The following MED25 variants were observed in gnomAD, a reference collection of about 807,000 sequenced individuals.
The protein encoded by MED25 is mediator complex subunit 25, also known as mediator of RNA polymerase II transcription subunit 25.
In MED25, 62 loss-of-function variants were observed where a neutral mutation model predicts 89.4. The ratio of observed to expected loss-of-function variants is 0.69; its 90% confidence interval spans 0.57 to 0.86. The LOEUF (loss-of-function observed/expected upper bound fraction) is 0.86. MED25 is among the 40% of genes least tolerant of loss of function. The pLI is 0.00. For missense variants in MED25, 905 were observed against 1,005.2 expected, an observed-to-expected ratio of 0.90 and a Z score of 1.35; for synonymous variants, 449 against 427.9, an observed-to-expected ratio of 1.05 and a Z score of -0.61.
chr19:49,821,108 C>G (rs1044558381), intron 3 of MED25, among the ~76,000 whole-genome samples: 1 of 152,126 alleles, frequency 6.6e-6, no homozygotes, highest in Admixed American at 6.5e-5. Flanking sequence ...GTCAGGAGGT[C>G]GGCAGGATTG....
At chr19:49,823,071 C>T in intron 3 of MED25, among the ~76,000 whole-genome samples, 1 of 152,216 alleles carries the variant, frequency 6.6e-6, no homozygotes, top group East Asian at 1.9e-4. Flanking sequence ...ACCTCAGCCT[C>T]CTGAGTACCT....
chr19:49,839,436 C>G (rs529521490), downstream of MED25: 1 of 152,780 alleles, frequency 6.5e-6, no homozygotes, highest in Non-Finnish European at 1.5e-5. Flanking sequence ...TCGACACTTC[C>G]GCTCCTGGAC....
chr19:49,836,602 C>T lies in MED25; in HGVS notation c.2146+196C>T, dbSNP rs973468110. On this transcript the variant is annotated intron_variant, in intron 17 of 17. Transcript: ENST00000312865. The surrounding 1 kb of genome is among the most constrained non-coding windows in gnomAD (Gnocchi z 5.1). ...GTCCAAGGACCTAGTGGGTTAAGAGCGTTTCCCATGATCCTCCTGTGTGTG... is the reference window on the plus strand; with the variant it reads ...GTCCAAGGACCTAGTGGGTTAAGAGTGTTTCCCATGATCCTCCTGTGTGTG... 6.0e-5 allele frequency: 46 copies of T among 766,072 alleles called. No homozygotes were observed. Among genetic ancestry groups the T allele is most frequent in the Non-Finnish European group, 8.7e-5 (38 of 435,652 alleles). 47.5% of individuals were successfully genotyped at this position (766,072 alleles called of 1,614,324 possible).
At position 49,836,304 on chromosome 19, in the gene MED25, C is replaced by G. The variant is rs1410257158; in HGVS notation, c.2044C>G (p.Pro682Ala). 6.2e-7 allele frequency: 1 copy of G among 1,611,700 alleles called. No homozygotes were observed. The highest frequency in any genetic ancestry group is 1.1e-5 in the South Asian group (1 of 90,920). Residue 682 changes from proline to alanine, a missense_variant, in exon 17 of 18, where the codon CCG becomes GCG. Physicochemically the swap from Pro to Ala is conservative, Grantham distance 27. This residue lies in a region of MED25 where 271 missense variants were observed against 258.1 expected (regional missense o/e 1.05). Coordinates refer to ENST00000312865, the MANE Select transcript of MED25 (RefSeq NM_030973.4). This position sits in a 1 kb window ranked among gnomAD's most constrained non-coding sequence, Gnocchi z 5.1. ...AGGGGCTCCTGCGCTGCTGCCTCCG[C>G]CGCACCAGGGCCTGGGGCAGCCCCA... ...PPGAPALLPPPHQGLGQPQLG... is the reference protein window; with the variant it reads ...PPGAPALLPPAHQGLGQPQLG...
Position 49,829,830 on chromosome 19 carries a change from G to A in MED25, c.570G>A (p.Ala190=), listed in dbSNP as rs759800230. The A allele has an allele frequency of 3.7e-6, 6 of 1,608,950 alleles. No individual in the cohort carries two copies. The highest frequency in any genetic ancestry group is 2.2e-5 in the East Asian group (1 of 44,664). ...FSIVSPRKLP[A]LRLLFEKAAP... ...TTGTGTCTCCCCGGAAGCTGCCTGC[G>A]CTTCGGCTTCTGTTTGAGAAGGCAG... The change falls in exon 6 of 18, where the codon GCG becomes GCA. Residue 190 remains alanine, a synonymous_variant. Transcript: ENST00000312865. This position sits in a 1 kb window ranked among gnomAD's most constrained non-coding sequence, Gnocchi z 4.6.
In MED25 at chr19:49,829,460, G is replaced by A. The variant is rs557452107; in HGVS notation, c.526-326G>A. Among the ~76,000 whole-genome samples, 20 of 152,228 alleles carry A rather than the reference G, an allele frequency of 1.3e-4. No individual in the cohort carries two copies. Among genetic ancestry groups the A allele is most frequent in the African/African-American group, 4.6e-4 (19 of 41,534 alleles). ...CGCCCAGCTGATTTTTGTATCTTTA[G>A]TAGAGATGAGGTTTCACCATGTTGG... On this transcript the variant is annotated intron_variant, in intron 5 of 17. Coordinates refer to ENST00000312865, the MANE Select transcript of MED25 (RefSeq NM_030973.4). The surrounding 1 kb of genome is among the most constrained non-coding windows in gnomAD (Gnocchi z 4.6).
At chr19:49,832,218 C>T (rs1202417534) in intron 12 of MED25, 61 bp downstream of exon 12, 1 of 1,580,748 alleles carries the variant, frequency 6.3e-7, no homozygotes, top group African/African-American at 1.3e-5. Flanking sequence ...TGTCTCTTTC[C>T]TGTTCCCTGC....
Position 49,835,184 on chromosome 19 carries a change from G to T in MED25, c.1674+7G>T. The T allele has an allele frequency of 6.2e-7, 1 of 1,613,878 alleles. No homozygotes were observed. The highest frequency in any genetic ancestry group is 8.5e-7 in the Non-Finnish European group (1 of 1,179,976). ...GGAGCAGCAGCAGCGAGGAGTGAGT[G>T]TTGACAGTCCCCAAACCAGCACTCC... On this transcript the variant is annotated splice_region_variant and intron_variant, in intron 14 of 17. Transcript: ENST00000312865. The surrounding 1 kb of genome is among the most constrained non-coding windows in gnomAD (Gnocchi z 6.2).
downstream of MED25, chr19:49,839,359 G>A (rs1439730414): frequency 6.2e-6 from 1 of 160,854 alleles, no homozygotes; most frequent in East Asian, 1.8e-4. Context: ...ACGGAAGTTG[G>A]GTCGTTGCAT....
rs1365144055 is a variant in MED25, at chr19:49,828,553, T to C, written c.404+6T>C. On this transcript the variant is annotated splice_donor_region_variant and intron_variant, in intron 4 of 17. Transcript: ENST00000312865. ...AAGAAGATGCGCGAGCAGATGTGAG[T>C]GCCCCCTCCACCCAGGCCGGGCCGG... 3 of 1,609,214 alleles carry C rather than the reference T, an allele frequency of 1.9e-6. No homozygotes were observed. The highest frequency in any genetic ancestry group is 1.1e-5 in the South Asian group (1 of 90,986).
intron 3 of MED25, among the ~76,000 whole-genome samples, chr19:49,827,568 G>T (rs2074024032): frequency 6.6e-6 from 1 of 152,118 alleles, no homozygotes; most frequent in African/African-American, 2.4e-5. Flanking sequence ...GTGTGTCCGT[G>T]TCCACGTTTC....
rs1042317689 is a variant in MED25 at position 49,835,393 on chromosome 19, C to T, written c.1675-141C>T. The T allele has an allele frequency of 5.8e-5, 57 of 979,422 alleles. No homozygotes were observed. The highest frequency in any genetic ancestry group is 7.7e-5 in the Non-Finnish European group (50 of 652,638). 60.7% of individuals were successfully genotyped at this position (979,422 alleles called of 1,614,324 possible). A position where few individuals can be genotyped will look rare whatever the true frequency, so the allele number is the denominator to read the frequency against. On this transcript the variant is annotated intron_variant, in intron 14 of 17. Transcript: ENST00000312865. The surrounding 1 kb of genome is among the most constrained non-coding windows in gnomAD (Gnocchi z 6.2). ...TTCCTCCTGGAGACCTTGGAGTGTA[C>T]GGCATCCCTCCCAGACCACTCACCC...
rs146394875 is a variant in MED25 at position 49,823,461 on chromosome 19, C to T, written c.305+4165C>T. Among the ~76,000 whole-genome samples, 8 of 152,198 alleles carry T rather than the reference C, an allele frequency of 5.3e-5. No homozygotes were observed. In the East Asian group the frequency reaches 7.7e-4, roughly 15 times the overall value. On this transcript the variant is annotated intron_variant, in intron 3 of 17. Coordinates refer to ENST00000312865, the MANE Select transcript of MED25 (RefSeq NM_030973.4). Reference sequence around the variant, plus strand: ...ACAGTGCCTGGCATGTATTAAGTGCCGTGTAAGTGTTTCCTAGGATTTTGT... The same window carrying T: ...ACAGTGCCTGGCATGTATTAAGTGCTGTGTAAGTGTTTCCTAGGATTTTGT...
chr19:49,821,540 G>T (rs1449325098), intron 3 of MED25, among the ~76,000 whole-genome samples: 1 of 152,152 alleles, frequency 6.6e-6, no homozygotes, highest in Admixed American at 6.5e-5. Context: ...GCTGGGGCAG[G>T]TGGATCACCT....
chr19:49,839,742 C>CT (rs1374179646), downstream of MED25: 2 of 152,302 alleles, frequency 1.3e-5, no homozygotes, highest in East Asian at 3.9e-4. Flanking sequence ...AACCTTTACT[C>CT]TTTCCTGTGC....
At position 49,829,293 on chromosome 19, in the gene MED25, C is replaced by A. The variant is rs1343234721; in HGVS notation, c.525+203C>A. ...ACTGGTGACCAGCTTTGCTTACTCTCTTTTCGAAACAGTCTGGCTCTGTTA... is the reference window on the plus strand; with the variant it reads ...ACTGGTGACCAGCTTTGCTTACTCTATTTTCGAAACAGTCTGGCTCTGTTA... On this transcript the variant is annotated intron_variant, in intron 5 of 17. Coordinates refer to ENST00000312865, the MANE Select transcript of MED25 (RefSeq NM_030973.4). This position sits in a 1 kb window ranked among gnomAD's most constrained non-coding sequence, Gnocchi z 4.6. Among the ~76,000 whole-genome samples, 1 of 152,094 alleles carries A rather than the reference C, an allele frequency of 6.6e-6. No homozygotes were observed. Among genetic ancestry groups the A allele is most frequent in the Non-Finnish European group, 1.5e-5 (1 of 67,998 alleles).
At chr19:49,825,045 A>G (rs1192161810) in intron 3 of MED25, among the ~76,000 whole-genome samples, 1 of 152,164 alleles carries the variant, frequency 6.6e-6, no homozygotes, top group Non-Finnish European at 1.5e-5. Context: ...AATTTATCAT[A>G]AACTTGATAT....
chr19:49,830,266 C>A lies in MED25; in HGVS notation c.819+48C>A, dbSNP rs762403817. The A allele has an allele frequency of 1.9e-6, 3 of 1,581,284 alleles. No individual in the cohort carries two copies. The Admixed American group carries it at 5.1e-5, about 27-fold the overall frequency. On this transcript the variant is annotated intron_variant, in intron 7 of 17. Transcript: ENST00000312865. This position sits in a 1 kb window ranked among gnomAD's most constrained non-coding sequence, Gnocchi z 4.6. ...ACATGCTTCTGGGGACTTGCTGGAG[C>A]CCTGGCCCCTGGGGAGAAATCTAGT...
intron 3 of MED25, among the ~76,000 whole-genome samples, chr19:49,827,677 T>C (rs1238755541): frequency 6.6e-6 from 1 of 152,224 alleles, no homozygotes; most frequent in Non-Finnish European, 1.5e-5. Context: ...TCTGAGGTAC[T>C]GGGGCTTAGG....
Sources: gnomAD v4.1 joint callset for allele counts (sites outside exome capture counted in the v4.1 genomes callset) on GRCh38, gnomAD v4.1.1 for gene constraint, gnomAD v4.1.1 regional missense constraint, Gnocchi (gnomAD v3.1) non-coding constraint, MANE v1.5 for transcripts, NCBI Gene and HGNC (gene_info 2026-07-23, HGNC 2026-07-21) for gene names.